The following PPM1E variants were observed in gnomAD, a reference collection of about 807,000 sequenced individuals.
PPM1E encodes the protein protein phosphatase, Mg2+/Mn2+ dependent 1E.
Under a neutral mutation model 65.9 loss-of-function variants are expected in PPM1E, and 20 were observed. The ratio of observed to expected loss-of-function variants is 0.30; its 90% confidence interval spans 0.21 to 0.44. PPM1E has a LOEUF of 0.44. Ranked by LOEUF, PPM1E falls within the 20% of genes least tolerant of loss-of-function variation. The pLI is 1.00. For synonymous variants in PPM1E, 352 were observed against 374.9 expected (o/e 0.94, Z 0.70); for missense variants, 713 against 953.1 (o/e 0.75, Z 3.32).
intron 2 of PPM1E, among the ~76,000 whole-genome samples, chr17:58,964,044 T>C (rs1283676950): frequency 6.6e-6 from 1 of 152,204 alleles, no homozygotes; most frequent in African/African-American, 2.4e-5. Context: ...GAGGTAAACG[T>C]AGTCACAGAT....
intron 1 of PPM1E, among the ~76,000 whole-genome samples, chr17:58,833,531 CA>C (rs1736876965): frequency 6.6e-6 from 1 of 151,822 alleles, no homozygotes; most frequent in East Asian, 1.9e-4. Flanking sequence ...CCTCCAGTTG[CA>C]CCCGTGTTGC....
At chr17:58,831,942 C>A (rs909256214) in intron 1 of PPM1E, among the ~76,000 whole-genome samples, 1 of 152,126 alleles carries the variant, frequency 6.6e-6, no homozygotes, top group African/African-American at 2.4e-5. Context: ...ATTGCCAGTG[C>A]TTTTATTGTT....
chr17:58,873,009 C>CAA (rs2051088325), intron 1 of PPM1E, among the ~76,000 whole-genome samples: 1 of 152,204 alleles, frequency 6.6e-6, no homozygotes, highest in Admixed American at 6.5e-5. Flanking sequence ...CAGCGGCATG[C>CAA]TACTGGCTCA....
In PPM1E at chr17:58,917,788, T is replaced by C. The variant is rs553546979; in HGVS notation, c.465-37861T>C. Among the ~76,000 whole-genome samples, 192 of 152,376 alleles carry C rather than the reference T, an allele frequency of 1.3e-3. 1 individual carries two copies. Among genetic ancestry groups the C allele is most frequent in the Non-Finnish European group, 2.5e-3 (170 of 68,036 alleles). On this transcript the variant is annotated intron_variant, in intron 1 of 6. Coordinates refer to ENST00000308249, the MANE Select transcript of PPM1E (RefSeq NM_014906.5). Reference sequence around the variant, plus strand: ...AAAGTTTTATAACTCATTTTGTTTTTTTTAGTTTTGTCATTTTTCATTTAC... The same window carrying C: ...AAAGTTTTATAACTCATTTTGTTTTCTTTAGTTTTGTCATTTTTCATTTAC...
At chr17:58,813,309 C>G (rs1256697859) in intron 1 of PPM1E, among the ~76,000 whole-genome samples, 1 of 152,142 alleles carries the variant, frequency 6.6e-6, no homozygotes, top group East Asian at 1.9e-4. Flanking sequence ...CTTATGAAAA[C>G]CTCATACCTT....
At chr17:58,848,644 G>A (rs1371374949) in intron 1 of PPM1E, among the ~76,000 whole-genome samples, 1 of 152,160 alleles carries the variant, frequency 6.6e-6, no homozygotes, top group African/African-American at 2.4e-5. Flanking sequence ...TGGTGGATAA[G>A]CTTTTTGATG....
intron 1 of PPM1E, among the ~76,000 whole-genome samples, chr17:58,841,189 T>C (rs974777606): frequency 5.3e-5 from 8 of 152,336 alleles, no homozygotes; most frequent in African/African-American, 1.9e-4. Flanking sequence ...TAGACAAATC[T>C]TTCCATATGG....
In PPM1E at chr17:58,983,572, C is replaced by T. The variant is rs1185980096; in HGVS notation, c.*2541C>T. Reference sequence around the variant, plus strand: ...TAATGGTATCTACATATTTCTGTAACTTGTATTTAATGATGGTGTACCTGG... The same window carrying T: ...TAATGGTATCTACATATTTCTGTAATTTGTATTTAATGATGGTGTACCTGG... On this transcript the variant is annotated 3_prime_UTR_variant, in exon 7 of 7. Coordinates refer to ENST00000308249, the MANE Select transcript of PPM1E (RefSeq NM_014906.5). The T allele has an allele frequency of 2.0e-5, 3 of 152,592 alleles. No individual in the cohort carries two copies. The highest frequency in any genetic ancestry group is 2.9e-5 in the Non-Finnish European group (2 of 68,034). The allele number at this position is 152,592 out of a possible 1,614,324, so 9.5% of individuals were successfully genotyped here.
intron 1 of PPM1E, among the ~76,000 whole-genome samples, chr17:58,949,829 A>G (rs764476286): frequency 1.1e-4 from 17 of 152,148 alleles, no homozygotes; most frequent in Non-Finnish European, 2.1e-4. Context: ...TTGCTTGTCC[A>G]GGAAAGATTT....
intron 1 of PPM1E, among the ~76,000 whole-genome samples, chr17:58,769,789 G>T (rs1254544801): frequency 6.6e-6 from 1 of 152,110 alleles, no homozygotes; most frequent in Non-Finnish European, 1.5e-5. Flanking sequence ...CACTTCGGGA[G>T]GCTGAGGCAG....
intron 1 of PPM1E, among the ~76,000 whole-genome samples, chr17:58,820,181 C>A (rs1310800320): frequency 2.0e-5 from 3 of 152,156 alleles, no homozygotes; most frequent in Non-Finnish European, 4.4e-5. Context: ...TCACCTCCCA[C>A]CAGGCCCCAC....
At chr17:58,770,482 A>G (rs957922135) in intron 1 of PPM1E, among the ~76,000 whole-genome samples, 2 of 152,130 alleles carry the variant, frequency 1.3e-5, no homozygotes, top group African/African-American at 2.4e-5. Flanking sequence ...CTATGATTGC[A>G]CCCTGTGAAG....
chr17:58,894,561 C>G (rs574214364), intron 1 of PPM1E, among the ~76,000 whole-genome samples: 3 of 152,154 alleles, frequency 2.0e-5, no homozygotes, highest in African/African-American at 7.2e-5. Flanking sequence ...ACAATAACTT[C>G]TTAGTATTAT....
intron 1 of PPM1E, among the ~76,000 whole-genome samples, chr17:58,805,545 C>T (rs1567838588): frequency 6.6e-6 from 1 of 152,082 alleles, no homozygotes; most frequent in Non-Finnish European, 1.5e-5. Context: ...CCACCGTGCC[C>T]GGCCCCAGTG....
chr17:58,945,143 CTTCTT>C (rs1397147016), intron 1 of PPM1E, among the ~76,000 whole-genome samples: 1 of 147,972 alleles, frequency 6.8e-6, no homozygotes, highest in East Asian at 2.0e-4. Context: ...CAGTCACACA[CTTCTT>C]TTTTTTTTTT....
intron 6 of PPM1E, among the ~76,000 whole-genome samples, chr17:58,974,750 C>G (rs910155027): frequency 6.6e-6 from 1 of 152,090 alleles, no homozygotes; most frequent in African/African-American, 2.4e-5. Flanking sequence ...ACCAAAAATT[C>G]CAGAACATGA....
At chr17:58,808,504 TTCTTCCTA>T (rs2050335834) in intron 1 of PPM1E, among the ~76,000 whole-genome samples, 1 of 152,152 alleles carries the variant, frequency 6.6e-6, no homozygotes, top group East Asian at 1.9e-4. Context: ...TTTGTTATAT[TTCTTCCTA>T]TGTATTTATG....
Position 58,805,970 on chromosome 17 carries a change from A to C in PPM1E, c.464+49509A>C, listed in dbSNP as rs1567838749. Among the ~76,000 whole-genome samples, 12 of 119,404 alleles carry C rather than the reference A, an allele frequency of 1.0e-4. 1 individual carries two copies. Among genetic ancestry groups the C allele is most frequent in the Non-Finnish European group, 1.2e-4 (7 of 59,486 alleles). The allele number at this position is 119,404 out of a possible 152,430, so 78.3% of individuals were successfully genotyped here. A position where few individuals can be genotyped will look rare whatever the true frequency, so the allele number is the denominator to read the frequency against. On this transcript the variant is annotated intron_variant, in intron 1 of 6. Coordinates refer to ENST00000308249, the MANE Select transcript of PPM1E (RefSeq NM_014906.5). ...CTGCTAAAAAAAAAAACAAAAAAAA[A>C]AAACAAAAAAAAAACAAAACAAAAC...
At chr17:58,825,521 A>G (rs888951363) in intron 1 of PPM1E, among the ~76,000 whole-genome samples, 10 of 151,880 alleles carry the variant, frequency 6.6e-5, no homozygotes, top group African/African-American at 2.4e-4. Flanking sequence ...TTTTTTCAGG[A>G]AACAAATGAA....
Sources: allele counts gnomAD v4.1 joint callset (sites outside exome capture counted in the v4.1 genomes callset), GRCh38; gene constraint gnomAD v4.1.1; transcripts MANE v1.5; gene names NCBI Gene and HGNC (gene_info 2026-07-23, HGNC 2026-07-21).